EPHA6: variants seen among roughly 807,000 people sequenced by gnomAD.
The protein encoded by EPHA6 is EPH receptor A6.
Under a neutral mutation model 112.0 loss-of-function variants are expected in EPHA6, and 50 were observed. That is an observed-to-expected ratio of 0.45 (90% CI 0.36 to 0.56). EPHA6 has a LOEUF of 0.56. EPHA6 is among the 20% of genes least tolerant of loss of function. The pLI is 0.00. For missense variants in EPHA6, 1,280 were observed against 1,417.4 expected, an observed-to-expected ratio of 0.90 and a Z score of 1.56; for synonymous variants, 529 against 490.7, an observed-to-expected ratio of 1.08 and a Z score of -1.03.
chr3:97,394,888 A>G (rs1397817600), intron 5 of EPHA6, among the ~76,000 whole-genome samples: 3 of 151,828 alleles, frequency 2.0e-5, no homozygotes, highest in Non-Finnish European at 2.9e-5. Context: ...AAAATTAAAA[A>G]TAAAACTACC....
At chr3:97,123,057 G>T (rs1205427848) in intron 3 of EPHA6, among the ~76,000 whole-genome samples, 1 of 151,810 alleles carries the variant, frequency 6.6e-6, no homozygotes, top group African/African-American at 2.4e-5. Context: ...CTGTTTTTAG[G>T]TTTATCAAAG....
chr3:96,944,104 A>C (rs1002719203), intron 2 of EPHA6, among the ~76,000 whole-genome samples: 12 of 152,176 alleles, frequency 7.9e-5, no homozygotes, highest in African/African-American at 2.7e-4. Context: ...TCTCCATGAA[A>C]GAATGGTATG....
At chr3:97,365,600 G>A (rs2084675839) in intron 5 of EPHA6, among the ~76,000 whole-genome samples, 1 of 152,062 alleles carries the variant, frequency 6.6e-6, no homozygotes, top group Admixed American at 6.5e-5. Flanking sequence ...ATGTTGGCCA[G>A]GATGGTCTCG....
chr3:97,367,866 G>C (rs2084828045), intron 5 of EPHA6, among the ~76,000 whole-genome samples: 1 of 151,944 alleles, frequency 6.6e-6, no homozygotes, highest in Admixed American at 6.6e-5. Context: ...AAGACATATT[G>C]TCCTAAAAAA....
At chr3:97,695,958 T>A (rs573620935) in intron 14 of EPHA6, among the ~76,000 whole-genome samples, 19 of 152,224 alleles carry the variant, frequency 1.2e-4, no homozygotes, top group Non-Finnish European at 2.4e-4. Context: ...CTGATCACTT[T>A]TCTTATAGAA....
At chr3:97,121,526 T>TA (rs2048040956) in intron 3 of EPHA6, among the ~76,000 whole-genome samples, 1 of 152,024 alleles carries the variant, frequency 6.6e-6, no homozygotes, top group Non-Finnish European at 1.5e-5. Flanking sequence ...CAGTTGAACA[T>TA]ATTGGACTGC....
intron 6 of EPHA6, among the ~76,000 whole-genome samples, chr3:97,442,446 T>G (rs2090167051): frequency 6.6e-6 from 1 of 151,920 alleles, no homozygotes; most frequent in South Asian, 2.1e-4. Context: ...ATTAGCCAAG[T>G]GTGGTGGCAC....
At chr3:97,545,094 T>G (rs2092925829) in intron 11 of EPHA6, among the ~76,000 whole-genome samples, 1 of 152,204 alleles carries the variant, frequency 6.6e-6, no homozygotes, top group Admixed American at 6.5e-5. Flanking sequence ...AGTTATTTCT[T>G]GCCTTCTGCT....
chr3:97,121,987 T>C (rs1258538509), intron 3 of EPHA6, among the ~76,000 whole-genome samples: 1 of 152,086 alleles, frequency 6.6e-6, no homozygotes, highest in Non-Finnish European at 1.5e-5. Flanking sequence ...TTATAACCAC[T>C]TGATGCTTAT....
rs185010114 is a variant in EPHA6 at position 97,059,843 on chromosome 3, C to T, written c.1114+71850C>T. ...AGTAAAATAAGAGCTAATGGCTGGG[C>T]GCAGTGGCTCATGCCTGTAATCCCA... On this transcript the variant is annotated intron_variant, in intron 3 of 17. Coordinates refer to ENST00000389672, the MANE Select transcript of EPHA6 (RefSeq NM_001080448.3). Among the ~76,000 whole-genome samples the T allele has an allele frequency of 4.6e-5, 7 of 151,978 alleles. No homozygotes were observed. The East Asian group carries it at 5.8e-4, about 13-fold the overall frequency.
intron 5 of EPHA6, among the ~76,000 whole-genome samples, chr3:97,363,212 AT>A (rs2084488958): frequency 7.0e-5 from 6 of 85,698 alleles, no homozygotes; most frequent in South Asian, 7.0e-4. Context: ...ATATATATAT[AT>A]ATATATATAT....
intron 5 of EPHA6, among the ~76,000 whole-genome samples, chr3:97,365,331 A>G (rs2084653138): frequency 6.6e-6 from 1 of 152,148 alleles, no homozygotes; most frequent in African/African-American, 2.4e-5. Context: ...ATTTCTTCCA[A>G]ATACTACCCT....
At chr3:96,922,703 A>G (rs1042039662) in intron 2 of EPHA6, among the ~76,000 whole-genome samples, 6 of 152,072 alleles carry the variant, frequency 3.9e-5, no homozygotes, top group Non-Finnish European at 7.4e-5. Flanking sequence ...GGTTTGTTAC[A>G]TAGATAAACA....
At chr3:96,893,192 G>A (rs758364097) in intron 2 of EPHA6, among the ~76,000 whole-genome samples, 31 of 152,138 alleles carry the variant, frequency 2.0e-4, no homozygotes, top group Non-Finnish European at 4.0e-4. Context: ...TAAAAGTATA[G>A]TGCATATTAT....
intron 3 of EPHA6, among the ~76,000 whole-genome samples, chr3:97,029,994 C>T (rs1417895477): frequency 6.6e-6 from 1 of 152,036 alleles, no homozygotes; most frequent in Non-Finnish European, 1.5e-5. Context: ...CAGTTTTGCT[C>T]TTATGAGATT....
In EPHA6 at chr3:97,722,200, TAAG is replaced by T. The variant is rs371331512; in HGVS notation, c.2934+1794_2934+1796del. 9.2e-5 allele frequency among the ~76,000 whole-genome samples: 14 copies of T among 152,318 alleles called. No homozygotes were observed. In the South Asian group the frequency reaches 2.7e-3, roughly 29 times the overall value. On this transcript the variant is annotated intron_variant, in intron 15 of 17. Transcript: ENST00000389672. ...AACTTTACTAATATACTGGTATCAG[TAAG>T]AAGTTCTTGAGCATCCATAGATGGC...
chr3:97,541,465 G>T (rs1262479028), intron 11 of EPHA6, among the ~76,000 whole-genome samples: 4 of 152,106 alleles, frequency 2.6e-5, no homozygotes, highest in Admixed American at 2.6e-4. Flanking sequence ...AAACTTAAAA[G>T]ACTTTTGCAT....
intron 3 of EPHA6, among the ~76,000 whole-genome samples, chr3:97,026,538 T>G (rs572427419): frequency 6.6e-6 from 1 of 152,256 alleles, no homozygotes; most frequent in East Asian, 1.9e-4. Context: ...AGTGGCAAAT[T>G]GTCTGTGACT....
At chr3:97,124,429 A>G (rs1407643474) in intron 3 of EPHA6, among the ~76,000 whole-genome samples, 2 of 151,748 alleles carry the variant, frequency 1.3e-5, no homozygotes, top group African/African-American at 4.9e-5. Context: ...GGCATACAGA[A>G]AAGTTTGCCC....
Sources: gnomAD v4.1 joint callset for allele counts (sites outside exome capture counted in the v4.1 genomes callset) on GRCh38, gnomAD v4.1.1 for gene constraint, MANE v1.5 for transcripts, NCBI Gene and HGNC (gene_info 2026-07-23, HGNC 2026-07-21) for gene names.